The following RBM33 variants were observed in gnomAD, a reference collection of about 807,000 sequenced individuals.
The protein encoded by RBM33 is RNA binding motif protein 33, also known as RNA-binding protein 33.
RBM33 carries 28 observed loss-of-function variants against 132.6 expected under a neutral mutation model. The observed-to-expected ratio is 0.21, with a 90% confidence interval of 0.16 to 0.29. RBM33 has a LOEUF of 0.29. Among genes scored for constraint, RBM33 ranks in the 10% least tolerant of loss-of-function variants. The pLI is 1.00. For synonymous variants in RBM33, 634 were observed against 593.0 expected (o/e 1.07, Z -1.01); for missense variants, 1,291 against 1,518.5 (o/e 0.85, Z 2.49).
chr7:155,732,726 G>A (rs1430524548), intron 9 of RBM33, among the ~76,000 whole-genome samples: 1 of 152,208 alleles, frequency 6.6e-6, no homozygotes. Context: ...AGAAGAGGGG[G>A]AAGGAAGTGC....
intron 9 of RBM33, among the ~76,000 whole-genome samples, 179 bp from the exon 10 acceptor site, chr7:155,737,351 C>CTG (rs1491453092): frequency 6.0e-5 from 6 of 99,434 alleles, no homozygotes; most frequent in Non-Finnish European, 3.7e-5. Context: ...GGATGCATGA[C>CTG]TCTGTGTGTG....
chr7:155,753,254 T>G (rs1801740108), intron 14 of RBM33, among the ~76,000 whole-genome samples: 1 of 152,186 alleles, frequency 6.6e-6, no homozygotes, highest in South Asian at 2.1e-4. Flanking sequence ...CTGCAAAAAT[T>G]TATTATTGCC....
chr7:155,710,723 T>G (rs972851767), intron 7 of RBM33, among the ~76,000 whole-genome samples: 3 of 152,022 alleles, frequency 2.0e-5, no homozygotes, highest in African/African-American at 7.2e-5. Context: ...TGGAGGCTCT[T>G]TGTGGCCCTG....
chr7:155,734,113 A>G (rs146973319), intron 9 of RBM33, among the ~76,000 whole-genome samples: 2 of 152,246 alleles, frequency 1.3e-5, no homozygotes, highest in Non-Finnish European at 1.5e-5. Context: ...TTGTCTTTCA[A>G]CTGGTCTGTA....
Position 155,644,929 on chromosome 7 carries a change from G to A in RBM33, c.43+10G>A. On this transcript the variant is annotated intron_variant, in intron 1 of 17. Coordinates refer to ENST00000401878, the MANE Select transcript of RBM33 (RefSeq NM_053043.3). ...GGAGCAGGCGCCGGAGGTACGTGAG[G>A]CAGCCGGACTCTGGGGGCCAGGACC... is the stretch of plus-strand genomic sequence containing the variant. 1.3e-6 allele frequency: 2 copies of A among 1,494,838 alleles called. No homozygotes were observed. Among genetic ancestry groups the A allele is most frequent in the East Asian group, 2.8e-5 (1 of 35,334 alleles). The allele number at this position is 1,494,838 out of a possible 1,614,324, so 92.6% of individuals were successfully genotyped here.
At chr7:155,695,938 G>T (rs1799783098) in intron 5 of RBM33, among the ~76,000 whole-genome samples, 1 of 151,342 alleles carries the variant, frequency 6.6e-6, no homozygotes, top group Non-Finnish European at 1.5e-5. Context: ...GTGCGCACGT[G>T]TGTGTGTGTG....
At chr7:155,766,767 T>C in intron 16 of RBM33, 112 bp downstream of exon 16, 1 of 1,034,414 alleles carries the variant, frequency 9.7e-7, no homozygotes, top group East Asian at 2.6e-5. Context: ...ATTAAAATAA[T>C]ACTTGGGAAG....
intron 5 of RBM33, among the ~76,000 whole-genome samples, chr7:155,684,366 C>T (rs1426112300): frequency 1.3e-5 from 2 of 152,194 alleles, no homozygotes; most frequent in East Asian, 3.8e-4. Flanking sequence ...CGTCTCCAGC[C>T]AGCTTGCCTG....
chr7:155,768,616 TTTTTTG>T (rs1802301149), intron 16 of RBM33, among the ~76,000 whole-genome samples: 1 of 152,222 alleles, frequency 6.6e-6, no homozygotes, highest in African/African-American at 2.4e-5. Flanking sequence ...CTGCATGTTA[TTTTTTG>T]TTTTTGTTTT....
In RBM33 at chr7:155,678,611, C is replaced by A; in HGVS notation, c.175C>A (p.Gln59Lys). The A allele has an allele frequency of 6.5e-7, 1 of 1,549,270 alleles. No homozygotes were observed. The change falls in exon 4 of 18, where the codon CAG becomes AAG. Residue 59 changes from glutamine (Q) to lysine (K), a missense_variant. By Grantham distance (53) the Gln-to-Lys change is moderately conservative. Transcript: ENST00000401878. The stretch of plus-strand genomic sequence containing the variant: ...TTATATTTCTTATTTTAATTAGAAT[C>A]AGTCGGATTTGTCAGATGAAGAGCT... ...GEDLLSGKKNQSDLSDEELND... is the reference protein window; with the variant it reads ...GEDLLSGKKNKSDLSDEELND...
chr7:155,692,607 G>A (rs1327597732), intron 5 of RBM33, among the ~76,000 whole-genome samples: 1 of 152,188 alleles, frequency 6.6e-6, no homozygotes, highest in Non-Finnish European at 1.5e-5. Flanking sequence ...TGGAGCTGGT[G>A]CAGAATGCTA....
intron 5 of RBM33, among the ~76,000 whole-genome samples, chr7:155,687,429 C>T (rs1039434937): frequency 6.6e-6 from 1 of 152,180 alleles, no homozygotes; most frequent in African/African-American, 2.4e-5. Context: ...TGTAGGTTGC[C>T]TGTTCACTCT....
chr7:155,777,180 T>C lies in RBM33; in HGVS notation c.*2139T>C, dbSNP rs1802641888. On this transcript the variant is annotated 3_prime_UTR_variant, in exon 18 of 18. Transcript: ENST00000401878. ...CAGTGTTAATAAAACGGATCCTGTT[T>C]GGGCCTTCATTGTTAAGGTGGACTT... The C allele has an allele frequency of 6.6e-6, 1 of 152,626 alleles. No homozygotes were observed. The highest frequency in any genetic ancestry group is 1.5e-5 in the Non-Finnish European group (1 of 68,042). 9.5% of individuals were successfully genotyped at this position (152,626 alleles called of 1,614,324 possible). A position where few individuals can be genotyped will look rare whatever the true frequency, so the allele number is the denominator to read the frequency against.
intron 7 of RBM33, 22 bp downstream of exon 7, chr7:155,707,090 G>A (rs761557209): frequency 4.1e-5 from 63 of 1,525,054 alleles, no homozygotes; most frequent in Non-Finnish European, 5.5e-5. Flanking sequence ...TTTTCTTGTA[G>A]TAGCCCTAGA....
chr7:155,762,923 C>T (rs1360854386), intron 14 of RBM33, among the ~76,000 whole-genome samples: 1 of 152,202 alleles, frequency 6.6e-6, no homozygotes, highest in African/African-American at 2.4e-5. Context: ...GTCTGCCGTC[C>T]TTGCTGTTCT....
At chr7:155,714,060 C>G (rs1251894770) in intron 8 of RBM33, among the ~76,000 whole-genome samples, 1 of 152,020 alleles carries the variant, frequency 6.6e-6, no homozygotes, top group African/African-American at 2.4e-5. Flanking sequence ...TTGGAGCATC[C>G]GTTCGTGCTT....
intron 2 of RBM33, among the ~76,000 whole-genome samples, chr7:155,672,292 A>G (rs528945561): frequency 6.6e-6 from 1 of 152,324 alleles, no homozygotes; most frequent in South Asian, 2.1e-4. Flanking sequence ...AACAGACCCA[A>G]AGAGATTAAG....
intron 13 of RBM33, among the ~76,000 whole-genome samples, chr7:155,744,036 CTGAG>C (rs1388512126): frequency 2.0e-5 from 3 of 152,176 alleles, no homozygotes; most frequent in African/African-American, 7.2e-5. Context: ...CAAGTAATCC[CTGAG>C]TGAGGGCTGG....
rs1730683404 is a variant in RBM33 at position 155,774,232 on chromosome 7, G to A, written c.3376-327G>A. 6.6e-6 allele frequency among the ~76,000 whole-genome samples: 1 copy of A among 152,204 alleles called. No homozygotes were observed. Among genetic ancestry groups the A allele is most frequent in the Admixed American group, 6.5e-5 (1 of 15,292 alleles). On this transcript the variant is annotated intron_variant, in intron 16 of 17. Transcript: ENST00000401878. This position sits in a 1 kb window ranked among gnomAD's most constrained non-coding sequence, Gnocchi z 4.2. ...CTGATAAGAAGGCGTGAGAAGAGGA[G>A]ATGTCTCTATCCAAGGGTACCTGCT...
Sources: allele counts gnomAD v4.1 joint callset (sites outside exome capture counted in the v4.1 genomes callset), GRCh38; gene constraint gnomAD v4.1.1; non-coding constraint Gnocchi (gnomAD v3.1); transcripts MANE v1.5; gene names NCBI Gene and HGNC (gene_info 2026-07-23, HGNC 2026-07-21).